SIAH3: variants seen among roughly 807,000 people sequenced by gnomAD.
The protein encoded by SIAH3 is siah E3 ubiquitin protein ligase family member 3.
Under a neutral mutation model 12.6 loss-of-function variants are expected in SIAH3, and 9 were observed. That is an observed-to-expected ratio of 0.72 (90% confidence interval 0.43 to 1.25). The LOEUF is 1.25. Ranked by LOEUF, SIAH3 falls within the 50% of genes most tolerant of loss-of-function variation. The probability of loss-of-function intolerance (pLI) is 0.00; values close to 1 mark genes in which losing one functional copy is unlikely to be tolerated. For missense variants in SIAH3, 390 were observed against 365.4 expected (o/e 1.07, Z -0.55); for synonymous variants, 154 against 151.1 (o/e 1.02, Z -0.14).
intron 1 of SIAH3, among the ~76,000 whole-genome samples, chr13:45,821,494 G>T (rs1471057516): frequency 6.6e-6 from 1 of 152,186 alleles, no homozygotes; most frequent in Non-Finnish European, 1.5e-5. Flanking sequence ...AAAGCCATTG[G>T]TTCTTAAAGG....
rs185920986 is a variant in SIAH3 at position 45,816,152 on chromosome 13, G to A, written c.136-32095C>T. Among the ~76,000 whole-genome samples, 15 of 152,354 alleles carry A rather than the reference G, an allele frequency of 9.8e-5. No individual in the cohort carries two copies. In the East Asian group the frequency reaches 2.9e-3, roughly 29 times the overall value. ...GCCCCTGTGCTTCACTGCCCTGTGAGGCCTGATTGAGACCTGAAGGAGCTG... is the reference window on the plus strand; with the variant it reads ...GCCCCTGTGCTTCACTGCCCTGTGAAGCCTGATTGAGACCTGAAGGAGCTG... On this transcript the variant is annotated intron_variant, in intron 1 of 1. Coordinates refer to ENST00000400405, the MANE Select transcript of SIAH3 (RefSeq NM_198849.3).
At chr13:45,832,738 G>A (rs1950704030) in intron 1 of SIAH3, among the ~76,000 whole-genome samples, 1 of 152,064 alleles carries the variant, frequency 6.6e-6, no homozygotes, top group Non-Finnish European at 1.5e-5. Flanking sequence ...ATTTTTTTGA[G>A]GGAGCTTCAT....
chr13:45,843,032 C>CTGTGTGTATGTGTGTGTG (rs746384493), intron 1 of SIAH3, among the ~76,000 whole-genome samples: 1 of 126,902 alleles, frequency 7.9e-6, no homozygotes, highest in Non-Finnish European at 1.6e-5. Context: ...CTCTCTCTCT[C>CTGTGTGTATGTGTGTGTG]TCTGTGTGTG....
intron 1 of SIAH3, among the ~76,000 whole-genome samples, chr13:45,786,291 T>C (rs1444856481): frequency 6.6e-6 from 1 of 152,182 alleles, no homozygotes; most frequent in African/African-American, 2.4e-5. Flanking sequence ...AAAACCCAAA[T>C]GGTGTCCCTC....
intron 1 of SIAH3, among the ~76,000 whole-genome samples, chr13:45,818,727 G>A (rs1332016144): frequency 6.6e-6 from 1 of 152,150 alleles, no homozygotes; most frequent in Admixed American, 6.5e-5. Context: ...CGATTGTGAT[G>A]GCATTTAGGG....
intron 1 of SIAH3, among the ~76,000 whole-genome samples, chr13:45,797,279 GAGATT>G (rs1950566263): frequency 6.6e-6 from 1 of 152,102 alleles, no homozygotes; most frequent in Admixed American, 6.6e-5. Flanking sequence ...CAAGGGGAAG[GAGATT>G]AAGTCCCCAG....
At chr13:45,807,791 A>G (rs76807011) in intron 1 of SIAH3, among the ~76,000 whole-genome samples, 5,028 of 152,286 alleles carry the variant, frequency 0.033, 217 homozygotes, top group African/African-American at 0.11. Flanking sequence ...TTGACATTGC[A>G]TATGCCCAGT....
At chr13:45,816,955 C>T (rs867180075) in intron 1 of SIAH3, among the ~76,000 whole-genome samples, 1 of 152,188 alleles carries the variant, frequency 6.6e-6, no homozygotes, top group African/African-American at 2.4e-5. Context: ...TTGCACCAGG[C>T]AATGGGATGC....
At chr13:45,812,669 C>G (rs999544832) in intron 1 of SIAH3, among the ~76,000 whole-genome samples, 1 of 152,082 alleles carries the variant, frequency 6.6e-6, no homozygotes, top group African/African-American at 2.4e-5. Flanking sequence ...ATAACACACA[C>G]ACACAGACAC....
intron 1 of SIAH3, among the ~76,000 whole-genome samples, chr13:45,850,131 C>CTGGGA (rs1355947553): frequency 2.0e-5 from 3 of 152,212 alleles, no homozygotes; most frequent in Non-Finnish European, 2.9e-5. Context: ...TTCGTCACAG[C>CTGGGA]TGGGATATCA....
At chr13:45,799,028 C>G (rs1465438808) in intron 1 of SIAH3, among the ~76,000 whole-genome samples, 1 of 152,196 alleles carries the variant, frequency 6.6e-6, no homozygotes, top group East Asian at 1.9e-4. Flanking sequence ...TCTTCAATTC[C>G]TCCCCACTGC....
intron 1 of SIAH3, among the ~76,000 whole-genome samples, chr13:45,815,495 G>A (rs1188437229): frequency 6.6e-6 from 1 of 152,062 alleles, no homozygotes; most frequent in Non-Finnish European, 1.5e-5. Flanking sequence ...GATCGCATGA[G>A]CCAATTTCTT....
At chr13:45,823,045 T>C (rs1445717004) in intron 1 of SIAH3, among the ~76,000 whole-genome samples, 1 of 152,222 alleles carries the variant, frequency 6.6e-6, no homozygotes, top group East Asian at 1.9e-4. Flanking sequence ...CCGTCCCCTC[T>C]GCTCCAGATT....
chr13:45,825,846 C>T (rs983097959), intron 1 of SIAH3, among the ~76,000 whole-genome samples: 19 of 152,158 alleles, frequency 1.2e-4, no homozygotes, highest in African/African-American at 4.3e-4. Flanking sequence ...CCAGCTCCCT[C>T]GCTTCCTAGG....
chr13:45,821,390 C>A (rs1950655345), intron 1 of SIAH3, among the ~76,000 whole-genome samples: 1 of 152,232 alleles, frequency 6.6e-6, no homozygotes, highest in South Asian at 2.1e-4. Context: ...CCACCTAATT[C>A]ATGGTACTTT....
Position 45,849,342 on chromosome 13 carries a change from G to A in SIAH3, c.135+2153C>T, listed in dbSNP as rs1447153749. 3.3e-5 allele frequency among the ~76,000 whole-genome samples: 5 copies of A among 152,298 alleles called. No homozygotes were observed. In the South Asian group the frequency reaches 8.3e-4, roughly 25 times the overall value. ...TGAGCTATGTCCTCTCAAAGCATAC[G>A]TCATCCATTTTTATGTTGCTGATTA... On this transcript the variant is annotated intron_variant, in intron 1 of 1. Transcript: ENST00000400405.
At chr13:45,816,572 AGCCCCTCGGGCGT>A (rs1285897510) in intron 1 of SIAH3, among the ~76,000 whole-genome samples, 1 of 152,234 alleles carries the variant, frequency 6.6e-6, no homozygotes, top group African/African-American at 2.4e-5. Context: ...TCCCAACTTC[AGCCCCTCGGGCGT>A]GCCCCACAAC....
intron 1 of SIAH3, among the ~76,000 whole-genome samples, chr13:45,836,742 C>T (rs1004363801): frequency 1.3e-5 from 2 of 152,112 alleles, no homozygotes; most frequent in South Asian, 2.1e-4. Flanking sequence ...ATGAAACAAA[C>T]CTTCACATCC....
intron 1 of SIAH3, among the ~76,000 whole-genome samples, chr13:45,828,779 C>T (rs921591988): frequency 1.3e-5 from 2 of 152,132 alleles, no homozygotes; most frequent in Non-Finnish European, 2.9e-5. Flanking sequence ...GATTGAATTC[C>T]GGTCTCATTG....
Sources: gnomAD v4.1 joint callset for allele counts (sites outside exome capture counted in the v4.1 genomes callset) on GRCh38, gnomAD v4.1.1 for gene constraint, MANE v1.5 for transcripts, NCBI Gene and HGNC (gene_info 2026-07-23, HGNC 2026-07-21) for gene names.